The following BBX variants were observed in gnomAD, a reference collection of about 807,000 sequenced individuals.
The protein encoded by BBX is BBX high mobility group box domain containing, also known as HMG box transcription factor BBX.
In BBX, 30 loss-of-function variants were observed where a neutral mutation model predicts 100.2. That is an observed-to-expected ratio of 0.30 (90% confidence interval 0.22 to 0.41). The LOEUF (loss-of-function observed/expected upper bound fraction) is 0.41. Ranked by LOEUF, BBX falls within the 10% of genes least tolerant of loss-of-function variation. The pLI is 1.00. For missense variants in BBX, 1,023 were observed against 1,129.8 expected, an observed-to-expected ratio of 0.91 and a Z score of 1.35; for synonymous variants, 376 against 388.1, an observed-to-expected ratio of 0.97 and a Z score of 0.37.
chr3:107,637,408 TTGTAATC>T (rs1237305292), intron 2 of BBX, among the ~76,000 whole-genome samples: 1 of 152,198 alleles, frequency 6.6e-6, no homozygotes, highest in Non-Finnish European at 1.5e-5. Flanking sequence ...TAGGGATGCA[TTGTAATC>T]TGGTCTGGAG....
At chr3:107,660,878 G>A (rs577334409) in intron 3 of BBX, among the ~76,000 whole-genome samples, 2 of 152,284 alleles carry the variant, frequency 1.3e-5, no homozygotes, top group Admixed American at 6.5e-5. Flanking sequence ...TTGGATTGCA[G>A]TGTAGACTTT....
At chr3:107,588,121 G>A (rs2053005061) in intron 2 of BBX, among the ~76,000 whole-genome samples, 2 of 152,036 alleles carry the variant, frequency 1.3e-5, no homozygotes, top group Non-Finnish European at 2.9e-5. Flanking sequence ...TTCTATCCTG[G>A]TGACTAGAGC....
At chr3:107,603,847 T>G (rs773301379) in intron 2 of BBX, among the ~76,000 whole-genome samples, 3 of 152,164 alleles carry the variant, frequency 2.0e-5, no homozygotes, top group Non-Finnish European at 4.4e-5. Flanking sequence ...TAAAATTTAG[T>G]GTGTACTTTT....
intron 2 of BBX, among the ~76,000 whole-genome samples, chr3:107,623,654 G>C (rs762511147): frequency 5.9e-5 from 9 of 152,108 alleles, no homozygotes; most frequent in Non-Finnish European, 1.2e-4. Context: ...CCCTCTTTAA[G>C]AAAAGGAATA....
chr3:107,740,829 G>A lies in BBX; in HGVS notation c.670-3801G>A, dbSNP rs185481441. 1.1e-3 allele frequency among the ~76,000 whole-genome samples: 167 copies of A among 151,444 alleles called. 2 individuals carry two copies. The highest frequency in any genetic ancestry group is 3.6e-3 in the African/African-American group (148 of 41,192). The stretch of plus-strand genomic sequence containing the variant: ...CACACAGAGTGAAGGCTGCCTCTCC[G>A]TCCTCCTGTAGACCTTGTAATATTC... On this transcript the variant is annotated intron_variant, in intron 7 of 17. Coordinates refer to ENST00000325805, the MANE Select transcript of BBX (RefSeq NM_001142568.3).
At chr3:107,719,661 T>C (rs2062381182) in intron 5 of BBX, among the ~76,000 whole-genome samples, 1 of 152,084 alleles carries the variant, frequency 6.6e-6, no homozygotes, top group African/African-American at 2.4e-5. Context: ...TAAAAGACTA[T>C]TCTAAGAATA....
intron 3 of BBX, among the ~76,000 whole-genome samples, chr3:107,687,849 G>A (rs894072355): frequency 2.6e-5 from 4 of 152,150 alleles, no homozygotes; most frequent in East Asian, 3.9e-4. Context: ...GAGGTCAGGA[G>A]TTCGAGACCA....
rs186305978 is a variant in BBX at position 107,764,333 on chromosome 3, C to T, written c.907-8295C>T. ...GGCTTAAAGTAACTCTTTCCTTGTGCGAATCAGAATGCATTTTAGACTCAT... is the reference window on the plus strand; with the variant it reads ...GGCTTAAAGTAACTCTTTCCTTGTGTGAATCAGAATGCATTTTAGACTCAT... On this transcript the variant is annotated intron_variant, in intron 10 of 17. Coordinates refer to ENST00000325805, the MANE Select transcript of BBX (RefSeq NM_001142568.3). Among the ~76,000 whole-genome samples, 18 of 152,242 alleles carry T rather than the reference C, an allele frequency of 1.2e-4. No individual in the cohort carries two copies. The East Asian group carries it at 1.4e-3, about 11-fold the overall frequency.
chr3:107,731,929 T>G (rs2063341463), intron 6 of BBX, among the ~76,000 whole-genome samples: 1 of 152,238 alleles, frequency 6.6e-6, no homozygotes, highest in African/African-American at 2.4e-5. Context: ...CTAGGAGAGA[T>G]GCCGAGTTAG....
intron 2 of BBX, among the ~76,000 whole-genome samples, chr3:107,620,888 T>A (rs1485932486): frequency 7.4e-6 from 1 of 135,684 alleles, no homozygotes; most frequent in African/African-American, 2.7e-5. Flanking sequence ...TATTGCTGCA[T>A]AGGGGGTTGG....
At chr3:107,742,620 A>C (rs908442568) in intron 7 of BBX, among the ~76,000 whole-genome samples, 2 of 152,192 alleles carry the variant, frequency 1.3e-5, no homozygotes, top group African/African-American at 4.8e-5. Context: ...ACTCCTGGCC[A>C]GGTCACTGAG....
At chr3:107,667,444 C>T (rs1231582580) in intron 3 of BBX, among the ~76,000 whole-genome samples, 1 of 151,824 alleles carries the variant, frequency 6.6e-6, no homozygotes, top group Admixed American at 6.6e-5. Flanking sequence ...GCCATATATT[C>T]TCTAATGATT....
intron 10 of BBX, among the ~76,000 whole-genome samples, chr3:107,770,009 A>C (rs534944469): frequency 5.9e-5 from 9 of 152,328 alleles, no homozygotes; most frequent in Non-Finnish European, 1.3e-4. Flanking sequence ...GGATTAACAT[A>C]ATCTGTGAAA....
At chr3:107,540,500 T>A (rs1312301799) in intron 2 of BBX, among the ~76,000 whole-genome samples, 1 of 152,172 alleles carries the variant, frequency 6.6e-6, no homozygotes, top group Non-Finnish European at 1.5e-5. Flanking sequence ...TGGATCAGCA[T>A]CAAGATCAGA....
intron 7 of BBX, among the ~76,000 whole-genome samples, chr3:107,741,983 A>G (rs1407498042): frequency 6.6e-6 from 1 of 152,184 alleles, no homozygotes; most frequent in African/African-American, 2.4e-5. Flanking sequence ...TATATTTGCC[A>G]TGTCATTGAA....
intron 2 of BBX, among the ~76,000 whole-genome samples, chr3:107,547,081 C>G (rs1191317923): frequency 2.0e-5 from 3 of 152,118 alleles, no homozygotes; most frequent in Non-Finnish European, 4.4e-5. Context: ...GTTATCTAAA[C>G]AAGTTGTTTT....
chr3:107,751,818 T>G (rs1440832959), intron 9 of BBX, among the ~76,000 whole-genome samples: 1 of 152,148 alleles, frequency 6.6e-6, no homozygotes, highest in Non-Finnish European at 1.5e-5. Flanking sequence ...TCATCCAGAG[T>G]CAGCTTGGCC....
intron 13 of BBX, among the ~76,000 whole-genome samples, chr3:107,782,052 T>C (rs2107853965): frequency 6.6e-6 from 1 of 152,270 alleles, no homozygotes; most frequent in Non-Finnish European, 1.5e-5. Flanking sequence ...TCTGTATCTT[T>C]CTCCATAACT....
intron 5 of BBX, among the ~76,000 whole-genome samples, chr3:107,720,817 G>C (rs1184991458): frequency 1.3e-5 from 2 of 151,740 alleles, no homozygotes; most frequent in Non-Finnish European, 2.9e-5. Flanking sequence ...ATCTATTTTT[G>C]ATTATTTATT....
Sources: gnomAD v4.1 joint callset for allele counts (sites outside exome capture counted in the v4.1 genomes callset) on GRCh38, gnomAD v4.1.1 for gene constraint, MANE v1.5 for transcripts, NCBI Gene and HGNC (gene_info 2026-07-23, HGNC 2026-07-21) for gene names.